Variants in SOS1 observed in about 807,000 individuals in gnomAD.
SOS1 encodes son of sevenless homolog 1.
In SOS1, 25 loss-of-function variants were observed where a neutral mutation model predicts 157.6. That is an observed-to-expected ratio of 0.16 (90% confidence interval 0.12 to 0.22). SOS1 has a LOEUF of 0.22. Ranked by LOEUF, SOS1 falls within the 10% of genes least tolerant of loss-of-function variation. The pLI, the probability that SOS1 is intolerant of heterozygous loss-of-function variation, is 1.00. For synonymous variants in SOS1, 528 were observed against 534.0 expected, an observed-to-expected ratio of 0.99 and a Z score of 0.16; for missense variants, 1,237 against 1,599.1, an observed-to-expected ratio of 0.77 and a Z score of 3.86.
rs1039207671 is a variant in SOS1 at position 39,036,556 on chromosome 2, G to A, written c.865-1056C>T. 5.3e-5 allele frequency among the ~76,000 whole-genome samples: 8 copies of A among 152,094 alleles called. No individual in the cohort carries two copies. In the East Asian group the frequency reaches 1.6e-3, roughly 30 times the overall value. On this transcript the variant is annotated intron_variant, in intron 6 of 22. Transcript: ENST00000402219. ...TTTGTAGGGACAGGGTTTCTGCCAT[G>A]TTGACCACCCTGGTCGTTTTTTGTT...
intron 1 of SOS1, among the ~76,000 whole-genome samples, chr2:39,106,812 G>A (rs1673208970): frequency 6.6e-6 from 1 of 152,262 alleles, no homozygotes; most frequent in African/African-American, 2.4e-5. Flanking sequence ...CATCTTCGTG[G>A]CCACATGGTT....
intron 10 of SOS1, among the ~76,000 whole-genome samples, chr2:39,020,950 T>C (rs1371089335): frequency 6.6e-6 from 1 of 151,514 alleles, no homozygotes; most frequent in Non-Finnish European, 1.5e-5. Flanking sequence ...AAAAAATTAT[T>C]GGAAGGAATT....
At chr2:39,015,665 G>C (rs1354053282) in intron 10 of SOS1, among the ~76,000 whole-genome samples, 1 of 151,926 alleles carries the variant, frequency 6.6e-6, no homozygotes, top group African/African-American at 2.4e-5. Flanking sequence ...GTGGAGAAAG[G>C]CTGCTCTCAC....
intron 10 of SOS1, among the ~76,000 whole-genome samples, chr2:39,020,915 C>G (rs1352475666): frequency 1.3e-5 from 2 of 151,428 alleles, no homozygotes; most frequent in African/African-American, 4.8e-5. Flanking sequence ...AAAAACTTAG[C>G]CACAACACTG....
chr2:39,034,924 A>C, intron 8 of SOS1: 1 of 519,650 alleles, frequency 1.9e-6, no homozygotes, highest in South Asian at 1.6e-5. Flanking sequence ...TAAAGGTACA[A>C]GACAAAAATA....
At chr2:39,108,055 C>A (rs1047530823) in intron 1 of SOS1, among the ~76,000 whole-genome samples, 4 of 152,184 alleles carry the variant, frequency 2.6e-5, no homozygotes, top group Non-Finnish European at 5.9e-5. Context: ...GATCCTCTCC[C>A]AATATTCCCC....
At chr2:39,089,376 C>CA (rs1247500954) in intron 1 of SOS1, among the ~76,000 whole-genome samples, 1 of 151,708 alleles carries the variant, frequency 6.6e-6, no homozygotes, top group East Asian at 1.9e-4. Context: ...ACTAAAAATA[C>CA]AAAAAATTAG....
intron 1 of SOS1, among the ~76,000 whole-genome samples, chr2:39,090,683 G>A (rs981131947): frequency 1.1e-4 from 17 of 152,110 alleles, no homozygotes; most frequent in Admixed American, 1.0e-3. Flanking sequence ...GCGACAGAAC[G>A]AGCCTCTATC....
At chr2:39,028,618 C>T (rs1213521925) in intron 8 of SOS1, among the ~76,000 whole-genome samples, 1 of 152,158 alleles carries the variant, frequency 6.6e-6, no homozygotes, top group East Asian at 1.9e-4. Context: ...TGACTTTTCA[C>T]TATAATAGGT....
intron 1 of SOS1, among the ~76,000 whole-genome samples, chr2:39,084,322 A>T (rs1004707266): frequency 1.3e-5 from 2 of 152,300 alleles, no homozygotes; most frequent in Admixed American, 6.5e-5. Flanking sequence ...AAAACTCATT[A>T]AAAAATGTAA....
chr2:39,055,411 T>A (rs552454832), intron 4 of SOS1, among the ~76,000 whole-genome samples: 8 of 152,290 alleles, frequency 5.3e-5, no homozygotes, highest in African/African-American at 1.4e-4. Context: ...TATACCTTCA[T>A]CAACTCTGGA....
At position 38,985,981 on chromosome 2, in the gene SOS1, A is replaced by ACTT. The variant is rs1175436231; in HGVS notation, c.3842_3844dup (p.Glu1281dup). On this transcript the variant is annotated inframe_insertion, in exon 23 of 23. Coordinates refer to ENST00000402219, the MANE Select transcript of SOS1 (RefSeq NM_005633.4). ...CGGCCCAGCAATGGAATGAAGGTCC[A>ACTT]CTTCTTGTGTCAATGGTGGTGATGG... 1 of 1,613,956 alleles carries ACTT rather than the reference A, an allele frequency of 6.2e-7. No individual in the cohort carries two copies. The highest frequency in any genetic ancestry group is 1.7e-4 in the Middle Eastern group (1 of 6,056).
At chr2:39,051,767 C>G (rs1413966171) in intron 5 of SOS1, among the ~76,000 whole-genome samples, 1 of 152,138 alleles carries the variant, frequency 6.6e-6, no homozygotes, top group Non-Finnish European at 1.5e-5. Flanking sequence ...TTGCAAATCT[C>G]TAACATAGCG....
chr2:38,993,143 TAGTATTCTC>T (rs1272412671), intron 20 of SOS1: 2 of 151,590 alleles, frequency 1.3e-5, no homozygotes, highest in Non-Finnish European at 2.9e-5. Flanking sequence ...TGCCAAGTCA[TAGTATTCTC>T]AAGACAAATA....
At chr2:38,998,338 T>G (rs916500497) in intron 17 of SOS1, among the ~76,000 whole-genome samples, 3 of 152,056 alleles carry the variant, frequency 2.0e-5, no homozygotes, top group Non-Finnish European at 4.4e-5. Context: ...CAACCTCCTC[T>G]TCCTGGGTTC....
intron 20 of SOS1, chr2:38,992,902 T>C (rs1407283851): frequency 2.0e-5 from 3 of 152,104 alleles, no homozygotes; most frequent in Non-Finnish European, 4.4e-5. Flanking sequence ...TTGGTGTCTA[T>C]TTGAACTTAT....
At chr2:39,086,042 T>A (rs1290633602) in intron 1 of SOS1, among the ~76,000 whole-genome samples, 1 of 152,248 alleles carries the variant, frequency 6.6e-6, no homozygotes, top group Non-Finnish European at 1.5e-5. Flanking sequence ...ACGAATTACT[T>A]ACTCCTTCTG....
chr2:38,985,014 T>C lies in SOS1; in HGVS notation c.*810A>G, dbSNP rs1668510493. The C allele has an allele frequency of 1.3e-5, 2 of 152,156 alleles. No homozygotes were observed. The allele number at this position is 152,156 out of a possible 1,614,324, so 9.4% of individuals were successfully genotyped here. ...AAGGAGGGAAAATGACAATCTAGCA[T>C]AGATGAACAGTCTCCTAAATGCAAA... On this transcript the variant is annotated 3_prime_UTR_variant, in exon 23 of 23. Transcript: ENST00000402219.
rs563302861 is a variant in SOS1, at chr2:39,040,168, C to T, written c.865-4668G>A. 3.7e-3 allele frequency among the ~76,000 whole-genome samples: 558 copies of T among 151,928 alleles called. 5 individuals carry two copies. The highest frequency in any genetic ancestry group is 0.013 in the African/African-American group (526 of 41,402). On this transcript the variant is annotated intron_variant, in intron 6 of 22. Coordinates refer to ENST00000402219, the MANE Select transcript of SOS1 (RefSeq NM_005633.4). The stretch of plus-strand genomic sequence containing the variant: ...CTGGGACTACAAGCGCCCGCCACTA[C>T]ACCCGGCTAATTTTTTTTTTTGTAT...
Sources: gnomAD v4.1 joint callset for allele counts (sites outside exome capture counted in the v4.1 genomes callset) on GRCh38, gnomAD v4.1.1 for gene constraint, MANE v1.5 for transcripts, NCBI Gene and HGNC (gene_info 2026-07-23, HGNC 2026-07-21) for gene names.